Variants in E2F3 observed in about 807,000 individuals in gnomAD.
E2F3 encodes E2F transcription factor 3, also known as transcription factor E2F3.
A neutral mutation model predicts 44.4 loss-of-function variants in E2F3; 11 were observed. That is an observed-to-expected ratio of 0.25 (90% CI 0.16 to 0.41). The LOEUF (loss-of-function observed/expected upper bound fraction) is 0.41, where lower values mean the gene tolerates loss of function less well. E2F3 is among the 10% of genes least tolerant of loss of function. E2F3 has a pLI of 1.00. For missense variants in E2F3, 487 were observed against 583.6 expected, an observed-to-expected ratio of 0.83 and a Z score of 1.70; for synonymous variants, 249 against 253.0, an observed-to-expected ratio of 0.98 and a Z score of 0.15.
chr6:20,455,052 C>T (rs115301268), intron 1 of E2F3, among the ~76,000 whole-genome samples: 3,160 of 152,178 alleles, frequency 0.021, 65 homozygotes, highest in African/African-American at 0.052. Context: ...GATGTGCGCA[C>T]TTGTTTTAAA....
At chr6:20,452,090 C>T (rs988846497) in intron 1 of E2F3, among the ~76,000 whole-genome samples, 3 of 152,178 alleles carry the variant, frequency 2.0e-5, no homozygotes, top group African/African-American at 4.8e-5. Flanking sequence ...AAGAATCCCT[C>T]CTCCTCAATT....
At chr6:20,458,845 G>A (rs73384621) in intron 1 of E2F3, among the ~76,000 whole-genome samples, 2,012 of 152,312 alleles carry the variant, frequency 0.013, 59 homozygotes, top group African/African-American at 0.045. Context: ...ATCTGCCCCA[G>A]GCTGGGTGTC....
chr6:20,467,261 A>C (rs1399325970), intron 1 of E2F3, among the ~76,000 whole-genome samples: 1 of 152,198 alleles, frequency 6.6e-6, no homozygotes, highest in African/African-American at 2.4e-5. Flanking sequence ...GTAGCAAGGC[A>C]TATTCAGTGC....
chr6:20,424,186 T>A (rs923011450), intron 1 of E2F3, among the ~76,000 whole-genome samples: 1 of 150,500 alleles, frequency 6.6e-6, no homozygotes, highest in Non-Finnish European at 1.5e-5. Flanking sequence ...ATTTTATTAT[T>A]TTGATCTTTA....
At position 20,485,628 on chromosome 6, in the gene E2F3, CTCTTT is replaced by C. The variant is rs1762367145; in HGVS notation, c.885-1058_885-1054del. ...AAGAGTACTGAGATATTATACTTTT[CTCTTT>C]TCCTAAATCAGTGTTTCTCAAATTC... On this transcript the variant is annotated intron_variant, in intron 4 of 6. Transcript: ENST00000346618. Among the ~76,000 whole-genome samples the C allele has an allele frequency of 2.0e-5, 3 of 152,168 alleles. No homozygotes were observed. In the South Asian group the frequency reaches 6.2e-4, roughly 32 times the overall value.
At chr6:20,407,910 A>T (rs1250112984) in intron 1 of E2F3, among the ~76,000 whole-genome samples, 7 of 152,236 alleles carry the variant, frequency 4.6e-5, no homozygotes, top group Admixed American at 4.6e-4. Flanking sequence ...ATTCCCATGA[A>T]GCCACCTGAA....
chr6:20,477,060 A>G (rs1216005924), intron 1 of E2F3, among the ~76,000 whole-genome samples: 3 of 152,238 alleles, frequency 2.0e-5, no homozygotes, highest in Non-Finnish European at 4.4e-5. Context: ...CATTGGGGTT[A>G]GAGGTGCCCT....
intron 1 of E2F3, among the ~76,000 whole-genome samples, chr6:20,431,922 A>T (rs145918706): frequency 7.5e-4 from 114 of 152,320 alleles, no homozygotes; most frequent in African/African-American, 2.6e-3. Context: ...GTTTCCTCTG[A>T]GGCCGCTCTC....
chr6:20,469,293 T>C (rs1761813720), intron 1 of E2F3, among the ~76,000 whole-genome samples: 2 of 152,204 alleles, frequency 1.3e-5, no homozygotes, highest in Non-Finnish European at 2.9e-5. Context: ...GAGATGGGTA[T>C]CGTATCATTG....
Position 20,402,188 on chromosome 6 carries a change from C to CATT in E2F3, c.-44_-43insTTA. 1 of 1,521,890 alleles carries CATT rather than the reference C, an allele frequency of 6.6e-7. No individual in the cohort carries two copies. The highest frequency in any genetic ancestry group is 8.7e-7 in the Non-Finnish European group (1 of 1,143,202). The allele number at this position is 1,521,890 out of a possible 1,614,324, so 94.3% of individuals were successfully genotyped here. On this transcript the variant is annotated 5_prime_UTR_variant, in exon 1 of 7. Transcript: ENST00000346618. This position sits in a 1 kb window ranked among gnomAD's most constrained non-coding sequence, Gnocchi z 5.6. The stretch of plus-strand genomic sequence containing the variant: ...CTGCAAATAATAAAGAAATTGAAAA[C>CATT]AATACATTAATATACCATAACACTA...
chr6:20,456,751 A>G (rs1164060594), intron 1 of E2F3, among the ~76,000 whole-genome samples: 1 of 152,230 alleles, frequency 6.6e-6, no homozygotes, highest in East Asian at 1.9e-4. Context: ...ATAAACCTTA[A>G]CTGATTGTAG....
At chr6:20,468,448 G>A (rs1276673151) in intron 1 of E2F3, among the ~76,000 whole-genome samples, 3 of 152,236 alleles carry the variant, frequency 2.0e-5, no homozygotes, top group Admixed American at 6.5e-5. Context: ...GGCAAGGCAT[G>A]TGAGAAGGAG....
chr6:20,405,576 G>T (rs1429734513), intron 1 of E2F3, among the ~76,000 whole-genome samples: 4 of 152,192 alleles, frequency 2.6e-5, no homozygotes, highest in Admixed American at 6.5e-5. Context: ...TGTAATCCCG[G>T]TACTTTGGGA....
chr6:20,427,351 T>C (rs1349475086), intron 1 of E2F3, among the ~76,000 whole-genome samples: 2 of 152,174 alleles, frequency 1.3e-5, no homozygotes, highest in African/African-American at 4.8e-5. Context: ...CCCTTTCCTC[T>C]TAGAAGTTCA....
In E2F3 at chr6:20,481,467, G is replaced by A. The variant is rs777372521; in HGVS notation, c.725+42G>A. On this transcript the variant is annotated intron_variant, in intron 3 of 6. Transcript: ENST00000346618. Reference sequence around the variant, plus strand: ...CCCATGCCCCGGCTCTGAGGGGGTCGTTTCAAACTGCCTGGTTTCTTAGTT... The same window carrying A: ...CCCATGCCCCGGCTCTGAGGGGGTCATTTCAAACTGCCTGGTTTCTTAGTT... 4.5e-6 allele frequency: 7 copies of A among 1,565,824 alleles called. No homozygotes were observed. The East Asian group carries it at 1.3e-4, about 30-fold the overall frequency.
At chr6:20,421,723 C>T (rs554243591) in intron 1 of E2F3, 11 of 152,434 alleles carry the variant, frequency 7.2e-5, no homozygotes, top group Admixed American at 3.9e-4. Context: ...CCTTAGGCAA[C>T]CTGGTGGTCC....
intron 1 of E2F3, among the ~76,000 whole-genome samples, chr6:20,462,402 A>C (rs138317870): frequency 6.6e-6 from 1 of 150,526 alleles, no homozygotes; most frequent in Non-Finnish European, 1.5e-5. Context: ...TCGGTTTTCT[A>C]TACTATTCTT....
intron 1 of E2F3, among the ~76,000 whole-genome samples, chr6:20,424,320 C>T (rs1254454743): frequency 1.7e-4 from 23 of 139,056 alleles, no homozygotes; most frequent in Admixed American, 1.4e-3. Flanking sequence ...TGGATGGTTC[C>T]GCTTTCCCCA....
rs774898549 is a variant in E2F3, at chr6:20,481,433, G to C, written c.725+8G>C. 2.1e-5 allele frequency: 34 copies of C among 1,613,588 alleles called. No individual in the cohort carries two copies. The highest frequency in any genetic ancestry group is 2.8e-5 in the Non-Finnish European group (33 of 1,179,734). On this transcript the variant is annotated splice_region_variant and intron_variant, in intron 3 of 6. Transcript: ENST00000346618. ...AAACAACGTCCAATGGATGTGAGTA[G>C]GAGTCCTCCCCATGCCCCGGCTCTG...
Sources: allele counts gnomAD v4.1 joint callset (sites outside exome capture counted in the v4.1 genomes callset), GRCh38; gene constraint gnomAD v4.1.1; non-coding constraint Gnocchi (gnomAD v3.1); transcripts MANE v1.5; gene names NCBI Gene and HGNC (gene_info 2026-07-23, HGNC 2026-07-21).